The following TMEM117 variants were observed in gnomAD, a reference collection of about 807,000 sequenced individuals.
TMEM117 encodes the protein transmembrane protein 117.
Under a neutral mutation model 52.4 loss-of-function variants are expected in TMEM117, and 27 were observed. The ratio of observed to expected loss-of-function variants is 0.51; its 90% CI spans 0.38 to 0.71. The LOEUF is 0.71. Among genes scored for constraint, TMEM117 ranks in the 30% least tolerant of loss-of-function variants. The pLI is 0.00. For synonymous variants in TMEM117, 215 were observed against 206.3 expected, an observed-to-expected ratio of 1.04 and a Z score of -0.36; for missense variants, 556 against 630.5, an observed-to-expected ratio of 0.88 and a Z score of 1.26.
the TMEM117 span, chr12:43,805,566 G>T: frequency 2.2e-6 from 1 of 461,208 alleles, no homozygotes; most frequent in African/African-American, 2.0e-5. Context: ...ATGGAGGTCA[G>T]ATATAACTGC....
intron 5 of TMEM117, among the ~76,000 whole-genome samples, chr12:44,219,693 A>G (rs1330007993): frequency 6.6e-6 from 1 of 152,186 alleles, no homozygotes; most frequent in Non-Finnish European, 1.5e-5. Context: ...AAGCACAACA[A>G]AAGCCCAGCA....
chr12:44,315,869 T>G (rs992435968), intron 6 of TMEM117, among the ~76,000 whole-genome samples: 1 of 152,188 alleles, frequency 6.6e-6, no homozygotes, highest in Non-Finnish European at 1.5e-5. Flanking sequence ...GATATAAAAA[T>G]AGCAATGATA....
chr12:43,919,934 G>A (rs1008002987), intron 2 of TMEM117, among the ~76,000 whole-genome samples: 3 of 151,626 alleles, frequency 2.0e-5, no homozygotes, highest in Admixed American at 6.6e-5. Flanking sequence ...GATGCAATTC[G>A]TATTTATATC....
chr12:44,314,567 CTTTTTT>C (rs755148669), intron 6 of TMEM117, among the ~76,000 whole-genome samples: 1 of 130,606 alleles, frequency 7.7e-6, no homozygotes, highest in Non-Finnish European at 1.7e-5. Flanking sequence ...GTTTCTTCTT[CTTTTTT>C]TTTTTTTTTT....
chr12:43,948,654 C>T (rs1463817434), intron 3 of TMEM117, among the ~76,000 whole-genome samples: 2 of 152,102 alleles, frequency 1.3e-5, no homozygotes, highest in African/African-American at 4.8e-5. Flanking sequence ...GGAGAAGGTG[C>T]TGATTCTGGG....
intron 3 of TMEM117, among the ~76,000 whole-genome samples, chr12:44,102,848 T>G (rs1947886296): frequency 6.6e-6 from 1 of 151,958 alleles, no homozygotes; most frequent in African/African-American, 2.4e-5. Context: ...ATGGGAGTGG[T>G]TACCTCCATG....
Position 44,388,762 on chromosome 12 carries a change from C to A in TMEM117, c.*90C>A. 7.1e-7 allele frequency: 1 copy of A among 1,412,138 alleles called. No individual in the cohort carries two copies. The highest frequency in any genetic ancestry group is 9.6e-7 in the Non-Finnish European group (1 of 1,039,490). 87.5% of individuals were successfully genotyped at this position (1,412,138 alleles called of 1,614,324 possible). ...TTTCCTTTTGTATATGTAAGGTTTA[C>A]GTAGTGTTAGGTAAAAATATGAACA... On this transcript the variant is annotated 3_prime_UTR_variant, in exon 8 of 8. Coordinates refer to ENST00000266534, the MANE Select transcript of TMEM117 (RefSeq NM_032256.3).
chr12:43,964,917 T>C (rs1016199383), intron 3 of TMEM117, among the ~76,000 whole-genome samples: 1 of 152,210 alleles, frequency 6.6e-6, no homozygotes, highest in African/African-American at 2.4e-5. Context: ...AACAGAACTT[T>C]ATGGAGATAT....
chr12:44,354,864 T>C (rs944655667), intron 6 of TMEM117, among the ~76,000 whole-genome samples: 1 of 152,016 alleles, frequency 6.6e-6, no homozygotes, highest in Non-Finnish European at 1.5e-5. Flanking sequence ...GAAAACAATT[T>C]TTAGTAGTGT....
intron 7 of TMEM117, among the ~76,000 whole-genome samples, chr12:44,382,449 C>T (rs1308929676): frequency 5.3e-5 from 8 of 152,132 alleles, no homozygotes; most frequent in Admixed American, 1.3e-4. Context: ...CTTCTCTTTT[C>T]GTATTTTTCT....
At chr12:44,349,293 T>C (rs963717500) in intron 6 of TMEM117, among the ~76,000 whole-genome samples, 3 of 152,052 alleles carry the variant, frequency 2.0e-5, no homozygotes, top group African/African-American at 7.2e-5. Flanking sequence ...AGGGCTTCTG[T>C]CATACAATGA....
At chr12:44,061,935 A>G (rs1259509271) in intron 3 of TMEM117, among the ~76,000 whole-genome samples, 1 of 152,118 alleles carries the variant, frequency 6.6e-6, no homozygotes, top group Non-Finnish European at 1.5e-5. Context: ...CAGAGGAAAA[A>G]AGAGAAGGTT....
chr12:44,178,931 C>T (rs1302097968), intron 4 of TMEM117, among the ~76,000 whole-genome samples: 1 of 152,144 alleles, frequency 6.6e-6, no homozygotes, highest in Non-Finnish European at 1.5e-5. Flanking sequence ...CAATGGCTCA[C>T]ACCTGTAATC....
intron 3 of TMEM117, among the ~76,000 whole-genome samples, chr12:44,127,713 A>G (rs766274362): frequency 6.6e-6 from 1 of 152,112 alleles, no homozygotes; most frequent in South Asian, 2.1e-4. Context: ...TTTCTTCTTG[A>G]TAATGTGGGT....
chr12:43,802,614 A>G, the TMEM117 span: 7 of 618,916 alleles, frequency 1.1e-5, no homozygotes, highest in East Asian at 2.0e-4. Flanking sequence ...TAACATAGAA[A>G]GTAATTATGA....
intron 4 of TMEM117, among the ~76,000 whole-genome samples, chr12:44,187,340 A>C (rs59152420): frequency 6.6e-6 from 1 of 152,026 alleles, no homozygotes; most frequent in Non-Finnish European, 1.5e-5. Flanking sequence ...TTTTTAAAAA[A>C]TATACTATTT....
chr12:44,152,309 T>C (rs1948747232), intron 4 of TMEM117, among the ~76,000 whole-genome samples: 1 of 106,090 alleles, frequency 9.4e-6, no homozygotes, highest in Non-Finnish European at 1.6e-5. Context: ...TATTTATATA[T>C]AATCATATCA....
chr12:43,823,589 A>T, the TMEM117 span, among the ~76,000 whole-genome samples: 1 of 152,036 alleles, frequency 6.6e-6, no homozygotes. Context: ...GGCTCACTGC[A>T]ACTTCCGCCT....
intron 3 of TMEM117, among the ~76,000 whole-genome samples, chr12:44,107,130 A>G (rs1005676609): frequency 6.6e-6 from 1 of 152,078 alleles, no homozygotes; most frequent in South Asian, 2.1e-4. Context: ...ACAATAAATT[A>G]TCTCACTTAG....
Sources: gnomAD v4.1 joint callset for allele counts (sites outside exome capture counted in the v4.1 genomes callset) on GRCh38, gnomAD v4.1.1 for gene constraint, MANE v1.5 for transcripts, NCBI Gene and HGNC (gene_info 2026-07-23, HGNC 2026-07-21) for gene names.